The following CDH13 variants were observed in gnomAD, a reference collection of about 807,000 sequenced individuals.
CDH13 encodes cadherin 13.
CDH13 carries 24 observed loss-of-function variants against 63.8 expected under a neutral mutation model. The observed-to-expected ratio is 0.38, with a 90% CI of 0.27 to 0.53. CDH13 has a LOEUF of 0.53. Ranked by LOEUF, CDH13 falls within the 20% of genes least tolerant of loss-of-function variation. The pLI is 0.85. For missense variants in CDH13, 1,049 were observed against 903.1 expected (o/e 1.16, Z -2.07); for synonymous variants, 503 against 355.3 (o/e 1.42, Z -4.67).
At chr16:83,485,429 A>T (rs978908158) in intron 6 of CDH13, among the ~76,000 whole-genome samples, 1 of 152,202 alleles carries the variant, frequency 6.6e-6, no homozygotes, top group African/African-American at 2.4e-5. Context: ...TTGTTATAGA[A>T]TCAGGTCCTA....
At chr16:83,505,834 G>A (rs1428110790) in intron 7 of CDH13, among the ~76,000 whole-genome samples, 1 of 152,110 alleles carries the variant, frequency 6.6e-6, no homozygotes, top group Non-Finnish European at 1.5e-5. Context: ...AGAGATCCAG[G>A]AAGCAGATTG....
chr16:82,836,867 G>A (rs992604266), intron 1 of CDH13, among the ~76,000 whole-genome samples: 1 of 152,136 alleles, frequency 6.6e-6, no homozygotes, highest in African/African-American at 2.4e-5. Context: ...TTCATTTTTA[G>A]GACAGAGTTA....
chr16:83,667,128 GATAA>G (rs1173633142), intron 8 of CDH13, among the ~76,000 whole-genome samples: 5 of 147,128 alleles, frequency 3.4e-5, no homozygotes, highest in African/African-American at 1.3e-4. Context: ...TGGATGGATG[GATAA>G]ATAGATAGAT....
intron 2 of CDH13, among the ~76,000 whole-genome samples, chr16:82,969,744 C>T (rs1344955948): frequency 2.6e-5 from 4 of 151,952 alleles, no homozygotes; most frequent in South Asian, 2.1e-4. Flanking sequence ...CAGGCTAGTC[C>T]GTGCACAATA....
intron 3 of CDH13, among the ~76,000 whole-genome samples, chr16:83,088,181 T>C (rs2033708659): frequency 6.6e-6 from 1 of 152,204 alleles, no homozygotes; most frequent in Non-Finnish European, 1.5e-5. Context: ...CCTTCGAAAT[T>C]CCTGCCTGTT....
intron 7 of CDH13, among the ~76,000 whole-genome samples, chr16:83,518,223 C>T (rs2074744237): frequency 6.6e-6 from 1 of 151,822 alleles, no homozygotes. Flanking sequence ...TGGCTCACTG[C>T]AGCTCTGCCT....
chr16:83,406,417 T>TCCCCC (rs61149137), intron 6 of CDH13, among the ~76,000 whole-genome samples: 2 of 144,280 alleles, frequency 1.4e-5, no homozygotes, highest in African/African-American at 5.1e-5. Context: ...TCTCTTTCTT[T>TCCCCC]CCCCCCCCGC....
At chr16:83,691,042 G>C (rs997709232) in intron 10 of CDH13, among the ~76,000 whole-genome samples, 3 of 150,966 alleles carry the variant, frequency 2.0e-5, no homozygotes, top group African/African-American at 7.3e-5. Flanking sequence ...TGAAGGTACT[G>C]GTGACAGGGA....
At chr16:83,426,628 G>A (rs1313203041) in intron 6 of CDH13, among the ~76,000 whole-genome samples, 2 of 151,988 alleles carry the variant, frequency 1.3e-5, no homozygotes, top group African/African-American at 4.8e-5. Context: ...TGGAAGAGGG[G>A]AATCCAACAT....
chr16:83,181,923 C>T (rs910508487), intron 4 of CDH13, among the ~76,000 whole-genome samples: 13 of 152,152 alleles, frequency 8.5e-5, no homozygotes, highest in Admixed American at 2.0e-4. Context: ...GCACAGGCGT[C>T]GGGCACAGAG....
At chr16:82,797,744 T>C (rs1567545820) in intron 1 of CDH13, among the ~76,000 whole-genome samples, 2 of 151,632 alleles carry the variant, frequency 1.3e-5, no homozygotes, top group South Asian at 4.2e-4. Context: ...AATGCTAAGG[T>C]TTACAAGGGC....
At chr16:82,760,315 T>C (rs1001163109) in intron 1 of CDH13, among the ~76,000 whole-genome samples, 9 of 152,180 alleles carry the variant, frequency 5.9e-5, no homozygotes, top group African/African-American at 1.9e-4. Context: ...TGAATTCTTA[T>C]CTTTTTGCTG....
At chr16:82,726,563 C>G (rs1253101692) in intron 1 of CDH13, among the ~76,000 whole-genome samples, 1 of 152,214 alleles carries the variant, frequency 6.6e-6, no homozygotes, top group Non-Finnish European at 1.5e-5. Context: ...GGATTACAGT[C>G]TGCATCTGTT....
chr16:82,823,487 G>C (rs1182352613), intron 1 of CDH13: 2 of 151,702 alleles, frequency 1.3e-5, no homozygotes, highest in Admixed American at 1.3e-4. Context: ...AAATTCAAAA[G>C]TCAGAGAAAC....
At chr16:83,145,501 TAC>T (rs914033404) in intron 4 of CDH13, among the ~76,000 whole-genome samples, 3 of 152,232 alleles carry the variant, frequency 2.0e-5, no homozygotes, top group Non-Finnish European at 2.9e-5. Flanking sequence ...TCATTATTTT[TAC>T]ACTGGCTTAA....
At chr16:82,937,788 T>G (rs1177541506) in intron 2 of CDH13, among the ~76,000 whole-genome samples, 1 of 152,258 alleles carries the variant, frequency 6.6e-6, no homozygotes, top group Non-Finnish European at 1.5e-5. Flanking sequence ...AGAGCTTATA[T>G]TCTGATGATT....
intron 5 of CDH13, among the ~76,000 whole-genome samples, chr16:83,294,102 T>C (rs2089530081): frequency 1.3e-5 from 2 of 151,954 alleles, no homozygotes; most frequent in African/African-American, 4.8e-5. Context: ...AATTTTTTCC[T>C]TTCTTTTCTA....
In CDH13 at chr16:83,453,966, G is replaced by GC. The variant is rs565123618; in HGVS notation, c.782-32510dup. Among the ~76,000 whole-genome samples, 207 of 152,306 alleles carry GC rather than the reference G, an allele frequency of 1.4e-3. 6 individuals carry two copies. The South Asian group carries it at 0.04, about 29-fold the overall frequency. On this transcript the variant is annotated intron_variant, in intron 6 of 13. Coordinates refer to ENST00000567109, the MANE Select transcript of CDH13 (RefSeq NM_001257.5). ...CTGCCTTCCCAAGCAGGGTGTGCAC[G>GC]CAGGCACCCTCTGAAGGCTAGGTTC...
At chr16:83,029,407 A>G (rs1344870187) in intron 2 of CDH13, among the ~76,000 whole-genome samples, 1 of 152,206 alleles carries the variant, frequency 6.6e-6, no homozygotes, top group Non-Finnish European at 1.5e-5. Context: ...GAAATAGTCC[A>G]GATACCAGTC....
Sources: gnomAD v4.1 joint callset for allele counts (sites outside exome capture counted in the v4.1 genomes callset) on GRCh38, gnomAD v4.1.1 for gene constraint, MANE v1.5 for transcripts, NCBI Gene and HGNC (gene_info 2026-07-23, HGNC 2026-07-21) for gene names.